Variants in MAP2K3 observed in about 807,000 individuals in gnomAD.
The protein encoded by MAP2K3 is mitogen-activated protein kinase kinase 3.
A neutral mutation model predicts 46.4 loss-of-function variants in MAP2K3; 30 were observed. That is an observed-to-expected ratio of 0.65 (90% CI 0.48 to 0.88). The LOEUF (loss-of-function observed/expected upper bound fraction) is 0.88. Among genes scored for constraint, MAP2K3 ranks in the 40% least tolerant of loss-of-function variants. MAP2K3 has a pLI of 0.00. For synonymous variants in MAP2K3, 189 were observed against 176.3 expected (o/e 1.07, Z -0.57); for missense variants, 380 against 464.5 (o/e 0.82, Z 1.67).
chr17:21,306,442 C>T (rs1353993312), intron 9 of MAP2K3, among the ~76,000 whole-genome samples: 1 of 152,290 alleles, frequency 6.6e-6, no homozygotes, highest in African/African-American at 2.4e-5. Flanking sequence ...TGGCACCCTC[C>T]TGGTACCTCC....
At chr17:21,302,060 G>C in intron 5 of MAP2K3, 83 bp from the exon 6 acceptor site, 1 of 1,371,504 alleles carries the variant, frequency 7.3e-7, no homozygotes, top group Non-Finnish European at 1.0e-6. Context: ...GCTGGGGCTG[G>C]GGCTGGTGCT....
At chr17:21,311,733 T>G (rs1977173035) in intron 9 of MAP2K3, 1 of 165,686 alleles carries the variant, frequency 6.0e-6, no homozygotes, top group Non-Finnish European at 1.3e-5. Flanking sequence ...GGTCAGATGT[T>G]AGGAAGGGGA....
chr17:21,298,315 C>A, intron 1 of MAP2K3, 98 bp from the exon 2 acceptor site: 2 of 1,549,308 alleles, frequency 1.3e-6, no homozygotes, highest in African/African-American at 1.4e-5. Flanking sequence ...ATGGCAGAGG[C>A]TGGCACCCTT....
At chr17:21,287,391 C>G (rs1975751858) in intron 1 of MAP2K3, among the ~76,000 whole-genome samples, 1 of 152,236 alleles carries the variant, frequency 6.6e-6, no homozygotes, top group Non-Finnish European at 1.5e-5. Context: ...ACTCTGTGCC[C>G]ACCCCATCCT....
intron 7 of MAP2K3, among the ~76,000 whole-genome samples, chr17:21,303,791 T>C (rs1232191817): frequency 1.3e-5 from 2 of 152,312 alleles, no homozygotes; most frequent in East Asian, 3.8e-4. Flanking sequence ...TTACTGCTTT[T>C]CAAAAAATGA....
intron 1 of MAP2K3, among the ~76,000 whole-genome samples, chr17:21,293,208 T>C (rs528555211): frequency 9.0e-3 from 1,370 of 151,828 alleles, no homozygotes; most frequent in African/African-American, 0.032. Flanking sequence ...GGTCTGGCCA[T>C]GGGAGGCCAG....
At chr17:21,303,473 T>C (rs1442710119) in intron 7 of MAP2K3, among the ~76,000 whole-genome samples, 7 of 152,430 alleles carry the variant, frequency 4.6e-5, no homozygotes, top group Admixed American at 6.5e-5. Flanking sequence ...CTGGGTTCTG[T>C]TCTGATGTAT....
chr17:21,308,339 G>C (rs554505864), intron 9 of MAP2K3, among the ~76,000 whole-genome samples: 330 of 152,258 alleles, frequency 2.2e-3, no homozygotes, highest in African/African-American at 7.1e-3. Flanking sequence ...GTAGAGACGG[G>C]GTTTTGCCAT....
intron 6 of MAP2K3, 62 bp from the exon 7 acceptor site, chr17:21,303,120 GT>G: frequency 6.2e-7 from 1 of 1,608,076 alleles, no homozygotes; most frequent in Non-Finnish European, 8.5e-7. Context: ...CTGCTCTGTC[GT>G]TTTTGACGTG....
chr17:21,299,617 T>G lies in MAP2K3; in HGVS notation c.165+691T>G, dbSNP rs12937752. On this transcript the variant is annotated intron_variant, in intron 3 of 11. Transcript: ENST00000342679. ...GGATTGCTTGAACCCAGGAGGTGGA[T>G]GTTGCAGTGAGCCATGATCGTACCA... Among the ~76,000 whole-genome samples the G allele has an allele frequency of 6.2e-5, 9 of 145,086 alleles. No individual in the cohort carries two copies. The East Asian group carries it at 1.6e-3, about 26-fold the overall frequency.
intron 2 of MAP2K3, 94 bp from the exon 3 acceptor site, chr17:21,298,784 T>A: frequency 6.3e-7 from 1 of 1,586,010 alleles, no homozygotes; most frequent in Non-Finnish European, 8.6e-7. Context: ...AGGCACCTCG[T>A]CCCCACGCCA....
At chr17:21,307,965 C>G (rs1976980806) in intron 9 of MAP2K3, among the ~76,000 whole-genome samples, 1 of 150,060 alleles carries the variant, frequency 6.7e-6, no homozygotes, top group South Asian at 2.1e-4. Flanking sequence ...AGGCAATTCT[C>G]CTGTCTCAGC....
chr17:21,311,921 C>T, intron 9 of MAP2K3: 1 of 474,318 alleles, frequency 2.1e-6, no homozygotes. Context: ...GCTGAATCTG[C>T]TTCCTGAGCT....
chr17:21,298,396 C>T lies in MAP2K3; in HGVS notation c.50-17C>T. ...GTCAAGGGATAGGCCAGACGCCTCA[C>T]CTTCTCTCCATTCTAGGAAAATCCA... On this transcript the variant is annotated splice_polypyrimidine_tract_variant and intron_variant, in intron 1 of 11. Transcript: ENST00000342679. 1 of 1,614,302 alleles carries T rather than the reference C, an allele frequency of 6.2e-7. No individual in the cohort carries two copies. Among genetic ancestry groups the T allele is most frequent in the Non-Finnish European group, 8.5e-7 (1 of 1,180,054 alleles).
In MAP2K3 at chr17:21,284,780, TCGCCGC is replaced by T. The variant is rs889093120; in HGVS notation, c.-119_-114del. On this transcript the variant is annotated 5_prime_UTR_variant, in exon 1 of 12. Transcript: ENST00000342679. ...GTCGCCGCCGCAGTCCTCGCCGCAG[TCGCCGC>T]CGCCGCCGCCGCCGCCGCCGCTGCT... 6.4e-5 allele frequency: 58 copies of T among 902,054 alleles called. No individual in the cohort carries two copies. The highest frequency in any genetic ancestry group is 7.8e-5 in the Non-Finnish European group (49 of 630,744). 55.9% of individuals were successfully genotyped at this position (902,054 alleles called of 1,614,324 possible). A position where few individuals can be genotyped will look rare whatever the true frequency, so the allele number is the denominator to read the frequency against.
At chr17:21,287,730 C>A (rs1025632975) in intron 1 of MAP2K3, among the ~76,000 whole-genome samples, 1 of 152,250 alleles carries the variant, frequency 6.6e-6, no homozygotes. Context: ...GGGTACCACA[C>A]GTGTCCTGTT....
At chr17:21,298,155 C>T (rs1484455116) in intron 1 of MAP2K3, among the ~76,000 whole-genome samples, 2 of 152,312 alleles carry the variant, frequency 1.3e-5, no homozygotes, top group African/African-American at 4.8e-5. Flanking sequence ...TCAAGATGTG[C>T]CCAGTGGGCA....
At chr17:21,311,221 T>C (rs1364065283) in intron 9 of MAP2K3, among the ~76,000 whole-genome samples, 1 of 152,202 alleles carries the variant, frequency 6.6e-6, no homozygotes, top group Admixed American at 6.5e-5. Context: ...CCGTTCATCA[T>C]GGTGATGACG....
At chr17:21,296,148 A>G (rs1976235576) in intron 1 of MAP2K3, 1 of 1,289,480 alleles carries the variant, frequency 7.8e-7, no homozygotes, top group Admixed American at 2.3e-5. Flanking sequence ...CTGCGCAGTG[A>G]ACCCTGTGCT....
Sources: allele counts gnomAD v4.1 joint callset (sites outside exome capture counted in the v4.1 genomes callset), GRCh38; gene constraint gnomAD v4.1.1; transcripts MANE v1.5; gene names NCBI Gene and HGNC (gene_info 2026-07-23, HGNC 2026-07-21).